The following SLC24A2 variants were observed in gnomAD, a reference collection of about 807,000 sequenced individuals.
SLC24A2 encodes the protein solute carrier family 24 member 2.
In SLC24A2, 36 loss-of-function variants were observed where a neutral mutation model predicts 62.0. The ratio of observed to expected loss-of-function variants is 0.58; its 90% CI spans 0.44 to 0.77. The LOEUF (loss-of-function observed/expected upper bound fraction) is 0.77. Among genes scored for constraint, SLC24A2 ranks in the 30% least tolerant of loss-of-function variants. The pLI, the probability that SLC24A2 is intolerant of heterozygous loss-of-function variation, is 0.00. For synonymous variants in SLC24A2, 358 were observed against 294.0 expected (o/e 1.22, Z -2.23); for missense variants, 846 against 817.9 (o/e 1.03, Z -0.42).
At chr9:19,811,064 A>G in the SLC24A2 span, among the ~76,000 whole-genome samples, 1 of 152,166 alleles carries the variant, frequency 6.6e-6, no homozygotes, top group Non-Finnish European at 1.5e-5. Context: ...CACAAAATTC[A>G]TATGTTGAAA....
intron 7 of SLC24A2, among the ~76,000 whole-genome samples, chr9:19,572,150 C>A (rs1835854642): frequency 6.7e-6 from 1 of 149,888 alleles, no homozygotes; most frequent in African/African-American, 2.5e-5. Flanking sequence ...GTGCGAGCTA[C>A]TCAGGAGGCT....
At chr9:19,715,385 G>A (rs1456119100) in intron 2 of SLC24A2, among the ~76,000 whole-genome samples, 5 of 152,080 alleles carry the variant, frequency 3.3e-5, no homozygotes, top group African/African-American at 1.2e-4. Context: ...AGCTGGAGAG[G>A]GACCGAGTAT....
At chr9:19,902,348 GC>G in the SLC24A2 span, among the ~76,000 whole-genome samples, 6 of 152,226 alleles carry the variant, frequency 3.9e-5, no homozygotes, top group Non-Finnish European at 4.4e-5. Flanking sequence ...TTCAAGGCAG[GC>G]AAATGGAAAA....
At chr9:19,790,102 C>CT (rs960814389), upstream of SLC24A2, among the ~76,000 whole-genome samples, 49 of 150,796 alleles carry the variant, frequency 3.2e-4, no homozygotes, top group African/African-American at 1.0e-3. Flanking sequence ...CTCAACTTTT[C>CT]TTTTTCTTTC....
intron 9 of SLC24A2, among the ~76,000 whole-genome samples, chr9:19,523,866 A>G (rs1833309963): frequency 1.3e-5 from 2 of 152,172 alleles, no homozygotes; most frequent in South Asian, 2.1e-4. Context: ...ACTGGGGCCA[A>G]TTCACATCAT....
At chr9:19,565,150 T>G (rs1835594812) in intron 7 of SLC24A2, among the ~76,000 whole-genome samples, 2 of 152,070 alleles carry the variant, frequency 1.3e-5, no homozygotes, top group South Asian at 4.2e-4. Flanking sequence ...GGTATTCAAT[T>G]AGGAAAAGAG....
the SLC24A2 span, among the ~76,000 whole-genome samples, chr9:20,203,595 G>A: frequency 6.6e-6 from 1 of 151,918 alleles, no homozygotes; most frequent in East Asian, 1.9e-4. Flanking sequence ...TATAATCCTA[G>A]CACTTCAAGA....
In SLC24A2 at chr9:19,696,673, A is replaced by G. The variant is rs990917914; in HGVS notation, c.931-74374T>C. Among the ~76,000 whole-genome samples the G allele has an allele frequency of 1.8e-4, 28 of 152,318 alleles. 1 individual carries two copies. The highest frequency in any genetic ancestry group is 6.0e-4 in the African/African-American group (25 of 41,562). On this transcript the variant is annotated intron_variant, in intron 2 of 10. Transcript: ENST00000341998. ...TTTTTAATATCATCCGAAAGATAAA[A>G]GAAAATATTGCATCCAGGAAAAAGC...
chr9:19,937,743 A>G, the SLC24A2 span, among the ~76,000 whole-genome samples: 2 of 152,212 alleles, frequency 1.3e-5, no homozygotes, highest in African/African-American at 2.4e-5. Context: ...GAACACAACT[A>G]TATTTACATA....
At chr9:19,520,813 T>C (rs925452004) in intron 10 of SLC24A2, 81 bp downstream of exon 10, 5 of 1,349,966 alleles carry the variant, frequency 3.7e-6, no homozygotes, top group Non-Finnish European at 5.3e-6. Context: ...TCAGAGATCC[T>C]GGTCATGTCT....
At chr9:19,603,164 T>A (rs1836886127) in intron 4 of SLC24A2, among the ~76,000 whole-genome samples, 1 of 151,654 alleles carries the variant, frequency 6.6e-6, no homozygotes, top group Non-Finnish European at 1.5e-5. Context: ...GTGTTCTTAA[T>A]TTTTTGTGGG....
chr9:19,936,898 G>A, the SLC24A2 span, among the ~76,000 whole-genome samples: 2 of 152,184 alleles, frequency 1.3e-5, no homozygotes, highest in African/African-American at 4.8e-5. Context: ...AATCTGGGGA[G>A]TGGGATGGGG....
At chr9:19,738,739 T>A (rs562380376) in intron 2 of SLC24A2, among the ~76,000 whole-genome samples, 92 of 152,246 alleles carry the variant, frequency 6.0e-4, no homozygotes, top group Middle Eastern at 6.8e-3. Flanking sequence ...ACAAACAAAT[T>A]CTCAGTAAAT....
At chr9:19,527,970 AG>A (rs2132659455) in intron 9 of SLC24A2, 78 bp downstream of exon 9, 1 of 907,064 alleles carries the variant, frequency 1.1e-6, no homozygotes, top group South Asian at 1.4e-5. Flanking sequence ...AGTTGCAGAA[AG>A]CAAACACAAT....
At chr9:19,642,128 G>T (rs1278631670) in intron 2 of SLC24A2, among the ~76,000 whole-genome samples, 1 of 152,100 alleles carries the variant, frequency 6.6e-6, no homozygotes, top group Admixed American at 6.6e-5. Context: ...CTTTGGGGAG[G>T]TGAAAGCTGC....
chr9:19,562,267 A>C (rs1835442492), intron 7 of SLC24A2, among the ~76,000 whole-genome samples: 1 of 152,226 alleles, frequency 6.6e-6, no homozygotes, highest in Admixed American at 6.5e-5. Context: ...ATTTCATCTT[A>C]TCAACTGGAT....
the SLC24A2 span, among the ~76,000 whole-genome samples, chr9:19,880,665 G>A: frequency 1.4e-4 from 22 of 152,176 alleles, no homozygotes; most frequent in African/African-American, 5.1e-4. Context: ...AATGGGATGA[G>A]TGTGGGAAAT....
the SLC24A2 span, among the ~76,000 whole-genome samples, chr9:20,001,135 A>T: frequency 6.6e-6 from 1 of 152,224 alleles, no homozygotes; most frequent in African/African-American, 2.4e-5. Context: ...TAAAGCCTGG[A>T]GGATCAGCAC....
At chr9:20,188,170 C>T in the SLC24A2 span, among the ~76,000 whole-genome samples, 10 of 152,314 alleles carry the variant, frequency 6.6e-5, 1 homozygote, top group South Asian at 1.7e-3. Flanking sequence ...AAACAGTGTC[C>T]ATGCGACAAG....
Sources: gnomAD v4.1 joint callset for allele counts (sites outside exome capture counted in the v4.1 genomes callset) on GRCh38, gnomAD v4.1.1 for gene constraint, MANE v1.5 for transcripts, NCBI Gene and HGNC (gene_info 2026-07-23, HGNC 2026-07-21) for gene names.